BPTF: variants seen among roughly 807,000 people sequenced by gnomAD.
BPTF encodes the protein nucleosome-remodeling factor subunit BPTF.
BPTF carries 18 observed loss-of-function variants against 292.5 expected under a neutral mutation model. The ratio of observed to expected loss-of-function variants is 0.06; its 90% CI spans 0.04 to 0.09. BPTF has a LOEUF of 0.09. Among genes scored for constraint, BPTF ranks in the 10% least tolerant of loss-of-function variants. The pLI is 1.00. For synonymous variants in BPTF, 1,225 were observed against 1,251.9 expected (o/e 0.98, Z 0.45); for missense variants, 2,726 against 3,498.7 (o/e 0.78, Z 5.57).
At chr17:67,852,718 A>G (rs529605539) in intron 1 of BPTF, among the ~76,000 whole-genome samples, 183 of 152,362 alleles carry the variant, frequency 1.2e-3, no homozygotes, top group African/African-American at 4.3e-3. Flanking sequence ...TTGTACTTAA[A>G]TGAATGTGTG....
intron 5 of BPTF, 50 bp from the exon 6 acceptor site, chr17:67,893,320 C>G: frequency 8.8e-7 from 1 of 1,137,870 alleles, no homozygotes. Context: ...AGATGAAATT[C>G]ACATCTTTGA....
rs986919490 is a variant in BPTF at position 67,879,140 on chromosome 17, T to C, written c.1864+4120T>C. Reference sequence around the variant, plus strand: ...TGGGGCTGTTGTTAATTATTTCTTTTTTTTTTTTTTTTTCTTTTTGAGATG... The same window carrying C: ...TGGGGCTGTTGTTAATTATTTCTTTCTTTTTTTTTTTTTCTTTTTGAGATG... On this transcript the variant is annotated intron_variant, in intron 4 of 27. Coordinates refer to ENST00000306378, the MANE Select transcript of BPTF (RefSeq NM_182641.4). Among the ~76,000 whole-genome samples, 15 of 140,064 alleles carry C rather than the reference T, an allele frequency of 1.1e-4. No homozygotes were observed. The East Asian group carries it at 1.1e-3, about 10-fold the overall frequency. The allele number at this position is 140,064 out of a possible 152,430, so 91.9% of individuals were successfully genotyped here.
In BPTF at chr17:67,861,322, A is replaced by T. The variant is rs569175377; in HGVS notation, c.1437-5142A>T. On this transcript the variant is annotated intron_variant, in intron 2 of 27. Transcript: ENST00000306378. ...CTAAAGTAGTGTAACCCCCTACCCC[A>T]ACCTTCCAAGATTTTTTCTTTTTTT... is the stretch of plus-strand genomic sequence containing the variant. Among the ~76,000 whole-genome samples, 3 of 149,812 alleles carry T rather than the reference A, an allele frequency of 2.0e-5. No individual in the cohort carries two copies. In the East Asian group the frequency reaches 5.9e-4, roughly 30 times the overall value.
intron 2 of BPTF, among the ~76,000 whole-genome samples, chr17:67,855,705 A>G (rs2058650390): frequency 6.6e-6 from 1 of 152,198 alleles, no homozygotes; most frequent in African/African-American, 2.4e-5. Flanking sequence ...TCCTGTAGAT[A>G]TATGGTCAGA....
At chr17:67,981,864 T>TCACAC (rs2070400174) in intron 27 of BPTF, 1 of 34,578 alleles carries the variant, frequency 2.9e-5, no homozygotes, top group Non-Finnish European at 5.3e-5. Flanking sequence ...TCAATGTAAA[T>TCACAC]AAACACACAC....
At chr17:67,926,850 G>T (rs1237534364) in intron 15 of BPTF, among the ~76,000 whole-genome samples, 1 of 151,014 alleles carries the variant, frequency 6.6e-6, no homozygotes, top group Non-Finnish European at 1.5e-5. Context: ...TGATCCTCCG[G>T]CCTCAGCCTC....
chr17:67,912,027 A>T lies in BPTF; in HGVS notation c.4143A>T (p.Leu1381=), dbSNP rs550104031. The T allele has an allele frequency of 1.4e-5, 22 of 1,613,122 alleles. No homozygotes were observed. The highest frequency in any genetic ancestry group is 1.7e-4 in the Middle Eastern group (1 of 6,058). Residue 1381 remains leucine, a synonymous_variant, in exon 11 of 28, where the codon CTA becomes CTT. Transcript: ENST00000306378. ...PVNKCSDQIK[L]KNTTDKKNNE... ...ATAAATGTAGTGATCAAATAAAGCTAAAAAATACCACTGACAAAAAGAATA... is the reference window on the plus strand; with the variant it reads ...ATAAATGTAGTGATCAAATAAAGCTTAAAAATACCACTGACAAAAAGAATA...
intron 24 of BPTF, among the ~76,000 whole-genome samples, chr17:67,961,318 C>T (rs113740934): frequency 7.2e-5 from 11 of 151,906 alleles, no homozygotes; most frequent in African/African-American, 2.2e-4. Flanking sequence ...TTTAGTATAC[C>T]AGGTTCATTC....
chr17:67,878,635 T>C (rs759873248), intron 4 of BPTF, among the ~76,000 whole-genome samples: 2 of 152,126 alleles, frequency 1.3e-5, no homozygotes, highest in Non-Finnish European at 2.9e-5. Flanking sequence ...TTCTTTGCAC[T>C]TGCTAGCTCC....
intron 1 of BPTF, among the ~76,000 whole-genome samples, chr17:67,848,708 TC>T (rs1267764708): frequency 1.3e-4 from 20 of 152,162 alleles, no homozygotes. Flanking sequence ...GAAGAGAACA[TC>T]CATGTAGATC....
intron 23 of BPTF, among the ~76,000 whole-genome samples, chr17:67,954,293 A>G (rs1476729316): frequency 1.3e-5 from 2 of 151,896 alleles, no homozygotes; most frequent in East Asian, 3.9e-4. Context: ...TCGACCTCCC[A>G]AAGTGCTGGG....
intron 1 of BPTF, among the ~76,000 whole-genome samples, chr17:67,847,141 A>G (rs2058083798): frequency 6.6e-6 from 1 of 152,192 alleles, no homozygotes. Flanking sequence ...AATGGTATCT[A>G]TTTTATGGAG....
chr17:67,942,181 T>C (rs1270868614), intron 19 of BPTF, among the ~76,000 whole-genome samples: 1 of 152,064 alleles, frequency 6.6e-6, no homozygotes, highest in Non-Finnish European at 1.5e-5. Context: ...TCAGGCGTGG[T>C]GGTGTACGCC....
intron 4 of BPTF, 76 bp downstream of exon 4, chr17:67,875,096 G>GA (rs1423239035): frequency 1.3e-4 from 165 of 1,306,140 alleles, no homozygotes; most frequent in Non-Finnish European, 1.7e-4. Context: ...CTTGCAAAAT[G>GA]AAAGTGAAAT....
At position 67,911,909 on chromosome 17, in the gene BPTF, C is replaced by G. The variant is rs777528502; in HGVS notation, c.4025C>G (p.Thr1342Ser). The change falls in exon 11 of 28, where the codon ACT (threonine) becomes AGT (serine). Residue 1342 changes from threonine (T) to serine (S), a missense_variant. Coordinates refer to ENST00000306378, the MANE Select transcript of BPTF (RefSeq NM_182641.4). ...LKCELVSGES[T>S]GNCEDRLPVK... ...TGTGAGTTGGTTTCTGGTGAGTCCA[C>G]TGGAAACTGTGAGGACAGGCTGCCG... 1.2e-6 allele frequency: 2 copies of G among 1,614,008 alleles called. No individual in the cohort carries two copies. Among genetic ancestry groups the G allele is most frequent in the Non-Finnish European group, 1.7e-6 (2 of 1,180,002 alleles).
intron 1 of BPTF, among the ~76,000 whole-genome samples, chr17:67,846,367 A>G (rs2058030844): frequency 6.6e-6 from 1 of 152,106 alleles, no homozygotes. Flanking sequence ...TTTGAACTTC[A>G]CTTATTGTGT....
chr17:67,889,867 C>T (rs545426346), intron 4 of BPTF, among the ~76,000 whole-genome samples: 21 of 152,010 alleles, frequency 1.4e-4, no homozygotes, highest in African/African-American at 4.6e-4. Flanking sequence ...ATAGTCTGAC[C>T]AACTGCTTTG....
At chr17:67,934,099 C>T (rs1303115757) in intron 18 of BPTF, among the ~76,000 whole-genome samples, 1 of 151,750 alleles carries the variant, frequency 6.6e-6, no homozygotes, top group Non-Finnish European at 1.5e-5. Flanking sequence ...AAAAGTAGTT[C>T]TTGAGTCATA....
intron 2 of BPTF, among the ~76,000 whole-genome samples, chr17:67,860,670 T>A (rs1478104260): frequency 6.6e-6 from 1 of 152,222 alleles, no homozygotes; most frequent in Non-Finnish European, 1.5e-5. Context: ...CAGATTAGAT[T>A]AGCATGTTTT....
Sources: gnomAD v4.1 joint callset for allele counts (sites outside exome capture counted in the v4.1 genomes callset) on GRCh38, gnomAD v4.1.1 for gene constraint, MANE v1.5 for transcripts, NCBI Gene and HGNC (gene_info 2026-07-23, HGNC 2026-07-21) for gene names.